PCDH19: variants seen among roughly 807,000 people sequenced by gnomAD.
PCDH19 encodes the protein protocadherin 19, also known as protocadherin-19.
A neutral mutation model predicts 46.2 loss-of-function variants in PCDH19; 6 were observed. The ratio of observed to expected loss-of-function variants is 0.13; its 90% CI spans 0.07 to 0.26. The LOEUF (loss-of-function observed/expected upper bound fraction) is 0.26, where lower values mean the gene tolerates loss of function less well. Among genes scored for constraint, PCDH19 ranks in the 10% least tolerant of loss-of-function variants. The pLI is 1.00. For missense variants in PCDH19, 740 were observed against 972.3 expected (o/e 0.76, Z 3.18); for synonymous variants, 481 against 415.7 (o/e 1.16, Z -1.91).
chrX:100,379,069 T>C (rs997936729), intron 3 of PCDH19, among the ~76,000 whole-genome samples: 1 of 110,840 alleles, frequency 9.0e-6, no homozygotes, highest in Non-Finnish European at 1.9e-5. Context: ...CTCTTTGGAC[T>C]TCAGTAAGGG....
chrX:100,358,040 T>C (rs1926770935), intron 3 of PCDH19, among the ~76,000 whole-genome samples: 2 of 112,259 alleles, frequency 1.8e-5, no homozygotes, highest in Non-Finnish European at 3.8e-5. Flanking sequence ...ATTTGTTCAC[T>C]GTTATCACTC....
intron 5 of PCDH19, among the ~76,000 whole-genome samples, chrX:100,320,262 CAAT>C (rs2147465600): frequency 1.8e-5 from 2 of 111,405 alleles, no homozygotes; most frequent in East Asian, 5.6e-4. Context: ...AGAGTATTAG[CAAT>C]AATAAGCACC....
Position 100,385,159 on chromosome X carries a change from CA to C in PCDH19, c.2616+17364del, listed in dbSNP as rs1186942086. Among the ~76,000 whole-genome samples, 240 of 38,470 alleles carry C rather than the reference CA, an allele frequency of 6.2e-3. 2 individuals carry two copies. Among genetic ancestry groups the C allele is most frequent in the Middle Eastern group, 0.02 (1 of 49 alleles). The allele number at this position is 38,470 out of a possible 115,157, so 33.4% of individuals were successfully genotyped here. On this transcript the variant is annotated intron_variant, in intron 3 of 5. Transcript: ENST00000373034. ...GGGCGACAGAGTGAGACTCTGTCTCCAAAAAAAAAAAAAAAAAAAATTATAC... is the reference window on the plus strand; with the variant it reads ...GGGCGACAGAGTGAGACTCTGTCTCCAAAAAAAAAAAAAAAAAAATTATAC...
intron 5 of PCDH19, among the ~76,000 whole-genome samples, chrX:100,315,269 C>T (rs1377028207): frequency 8.9e-6 from 1 of 112,149 alleles, no homozygotes; most frequent in African/African-American, 3.2e-5. Flanking sequence ...TAAAAGAGCC[C>T]ACATTTCCCT....
At chrX:100,402,469 G>A in intron 3 of PCDH19, 55 bp downstream of exon 3, 1 of 1,013,430 alleles carries the variant, frequency 9.9e-7, no homozygotes, top group South Asian at 1.9e-5. Context: ...TATCCAGCGA[G>A]CAGCTAAAGA....
At chrX:100,353,611 G>A (rs2147494846) in intron 3 of PCDH19, among the ~76,000 whole-genome samples, 1 of 111,849 alleles carries the variant, frequency 8.9e-6, no homozygotes, top group East Asian at 2.8e-4. Flanking sequence ...AGTCTCGAGG[G>A]CTTGTTAGTA....
chrX:100,308,002 C>A (rs1418978805), intron 5 of PCDH19, among the ~76,000 whole-genome samples: 1 of 110,961 alleles, frequency 9.0e-6, no homozygotes, highest in Non-Finnish European at 1.9e-5. Flanking sequence ...CAATTCCCAT[C>A]AAAACACCAC....
At chrX:100,299,473 G>A (rs1924711647) in intron 5 of PCDH19, among the ~76,000 whole-genome samples, 1 of 111,197 alleles carries the variant, frequency 9.0e-6, no homozygotes, top group South Asian at 3.9e-4. Flanking sequence ...CAAGTACAAT[G>A]CTCCTTCCCT....
At chrX:100,302,485 G>A (rs1924812595) in intron 5 of PCDH19, among the ~76,000 whole-genome samples, 1 of 111,951 alleles carries the variant, frequency 8.9e-6, no homozygotes, top group Non-Finnish European at 1.9e-5. Flanking sequence ...AACTGCATGG[G>A]TCCACTTACA....
chrX:100,396,706 A>G (rs980966176), intron 3 of PCDH19, among the ~76,000 whole-genome samples: 8 of 112,293 alleles, frequency 7.1e-5, no homozygotes, highest in Non-Finnish European at 1.5e-4. Context: ...ACAGAGGAAC[A>G]GTTTATTCTG....
chrX:100,371,111 T>C (rs1301340623), intron 3 of PCDH19, among the ~76,000 whole-genome samples: 1 of 110,564 alleles, frequency 9.0e-6, no homozygotes, highest in African/African-American at 3.3e-5. Context: ...ATTATGGCAA[T>C]CAAACATTTG....
chrX:100,326,135 TAG>T (rs923090154), intron 5 of PCDH19, among the ~76,000 whole-genome samples: 8 of 112,641 alleles, frequency 7.1e-5, no homozygotes, highest in African/African-American at 2.3e-4. Flanking sequence ...CTGGGAGTTA[TAG>T]AGAGAGAATT....
At chrX:100,311,744 T>C (rs1310465196) in intron 5 of PCDH19, among the ~76,000 whole-genome samples, 3 of 110,744 alleles carry the variant, frequency 2.7e-5, no homozygotes, top group Admixed American at 9.6e-5. Flanking sequence ...GAAATGGTCA[T>C]TGGAAACAAA....
At chrX:100,395,246 A>T (rs1240468490) in intron 3 of PCDH19, among the ~76,000 whole-genome samples, 1 of 112,446 alleles carries the variant, frequency 8.9e-6, no homozygotes, top group Admixed American at 9.4e-5. Flanking sequence ...AAAAGAAATC[A>T]GTTAGGAGTT....
Position 100,408,462 on chromosome X carries a change from C to T in PCDH19, c.136G>A (p.Ala46Thr). Residue 46 changes from alanine (A) to threonine (T), a missense_variant, in exon 1 of 6, where the codon GCG becomes ACG. This residue lies in a region of PCDH19 where 81 missense variants were observed against 96.5 expected (regional missense o/e 0.84). Coordinates refer to ENST00000373034, the MANE Select transcript of PCDH19 (RefSeq NM_001184880.2). ...GTVIANVAKD[A>T]REAGFALDPR... ...TCCAGCGCGAAGCCCGCCTCTCGCG[C>T]GTCTTTGGCCACGTTGGCAATCACC... 1 of 1,205,553 alleles carries T rather than the reference C, an allele frequency of 8.3e-7. No homozygotes were observed. Among genetic ancestry groups the T allele is most frequent in the Non-Finnish European group, 1.1e-6 (1 of 894,189 alleles).
chrX:100,296,566 C>G lies in PCDH19; in HGVS notation c.3158G>C (p.Arg1053Pro). Residue 1053 changes from arginine to proline, a missense_variant, in exon 6 of 6, where the codon CGG becomes CCG. Physicochemically the swap from Arg to Pro is moderately radical, Grantham distance 103. This residue lies in a region of PCDH19 where 416 missense variants were observed against 476.8 expected (regional missense o/e 0.87). Transcript: ENST00000373034. ...ICSPKVNSVI[R>P]EAGNGCEAIS... ...CGCCTCACAGCCATTGCCTGCCTCC[C>G]GGATAACGCTGTTGACCTTGGGGCT... is the stretch of plus-strand genomic sequence containing the variant. 1 of 1,211,230 alleles carries G rather than the reference C, an allele frequency of 8.3e-7. No homozygotes were observed. The highest frequency in any genetic ancestry group is 1.1e-6 in the Non-Finnish European group (1 of 895,319).
chrX:100,388,971 T>G lies in PCDH19; in HGVS notation c.2616+13553A>C, dbSNP rs146171985. Among the ~76,000 whole-genome samples, 213 of 111,762 alleles carry G rather than the reference T, an allele frequency of 1.9e-3. 4 individuals carry two copies. The East Asian group carries it at 0.051, about 27-fold the overall frequency. ...TTGATTACTATGGTTGAAATATTTT[T>G]ATATATCTATTGGCCATTTGAATGG... On this transcript the variant is annotated intron_variant, in intron 3 of 5. Coordinates refer to ENST00000373034, the MANE Select transcript of PCDH19 (RefSeq NM_001184880.2).
At chrX:100,384,540 C>A (rs1231668384) in intron 3 of PCDH19, among the ~76,000 whole-genome samples, 5 of 110,485 alleles carry the variant, frequency 4.5e-5, no homozygotes, top group Admixed American at 3.9e-4. Flanking sequence ...TTTTCCCTCC[C>A]TTTTTCACAG....
chrX:100,306,372 T>C lies in PCDH19; in HGVS notation c.2849-9497A>G, dbSNP rs141770941. On this transcript the variant is annotated intron_variant, in intron 5 of 5. Coordinates refer to ENST00000373034, the MANE Select transcript of PCDH19 (RefSeq NM_001184880.2). Reference sequence around the variant, plus strand: ...AAAAATTCTTTGAACTGAATGATAATAGTGACACAACCTATCCAAACCTCT... The same window carrying C: ...AAAAATTCTTTGAACTGAATGATAACAGTGACACAACCTATCCAAACCTCT... 2.4e-3 allele frequency among the ~76,000 whole-genome samples: 263 copies of C among 111,520 alleles called. 9 individuals are homozygous for C. The East Asian group carries it at 0.062, about 26-fold the overall frequency.
Sources: gnomAD v4.1 joint callset for allele counts (sites outside exome capture counted in the v4.1 genomes callset) on GRCh38, gnomAD v4.1.1 for gene constraint, gnomAD v4.1.1 regional missense constraint, MANE v1.5 for transcripts, NCBI Gene and HGNC (gene_info 2026-07-23, HGNC 2026-07-21) for gene names.